Variants in CTNNA3 observed in about 807,000 individuals in gnomAD.
The protein encoded by CTNNA3 is catenin alpha 3.
A neutral mutation model predicts 95.7 loss-of-function variants in CTNNA3; 76 were observed. The ratio of observed to expected loss-of-function variants is 0.79; its 90% CI spans 0.66 to 0.96. The LOEUF is 0.96. CTNNA3 is among the 40% of genes least tolerant of loss of function. CTNNA3 has a pLI of 0.00. For synonymous variants in CTNNA3, 431 were observed against 374.4 expected (o/e 1.15, Z -1.74); for missense variants, 1,191 against 1,089.8 (o/e 1.09, Z -1.31).
chr10:66,088,941 C>T (rs993870705), intron 14 of CTNNA3, among the ~76,000 whole-genome samples: 9 of 151,950 alleles, frequency 5.9e-5, no homozygotes, highest in African/African-American at 2.2e-4. Context: ...GTCATTTCTT[C>T]TTATTAATTT....
chr10:66,140,063 C>T (rs1189873440), intron 13 of CTNNA3, among the ~76,000 whole-genome samples: 1 of 152,150 alleles, frequency 6.6e-6, no homozygotes, highest in African/African-American at 2.4e-5. Context: ...AGCTATAAAA[C>T]TTTCAGATAT....
chr10:67,236,453 T>C (rs917162603), intron 5 of CTNNA3, among the ~76,000 whole-genome samples: 9 of 143,588 alleles, frequency 6.3e-5, no homozygotes, highest in East Asian at 4.2e-4. Context: ...TAGGTGGGAA[T>C]TGAACAATGA....
intron 13 of CTNNA3, among the ~76,000 whole-genome samples, chr10:66,170,959 C>A (rs2085394020): frequency 6.6e-6 from 1 of 151,366 alleles, no homozygotes; most frequent in Non-Finnish European, 1.5e-5. Flanking sequence ...CATGGTGAAA[C>A]CTAGTCTCTA....
rs141390401 is a variant in CTNNA3, at chr10:67,526,743, T to C, written c.460-4782A>G. Among the ~76,000 whole-genome samples the C allele has an allele frequency of 1.7e-3, 254 of 152,348 alleles. 2 individuals carry two copies. The highest frequency in any genetic ancestry group is 5.7e-3 in the African/African-American group (237 of 41,586). On this transcript the variant is annotated intron_variant, in intron 4 of 17. Coordinates refer to ENST00000433211, the MANE Select transcript of CTNNA3 (RefSeq NM_013266.4). ...TAACAGATTTTACAATCTAGCTTTA[T>C]AGGTTACTGCTTTATAAACTTAAAA... is the stretch of plus-strand genomic sequence containing the variant.
At chr10:66,740,801 G>A (rs1240943163) in intron 9 of CTNNA3, among the ~76,000 whole-genome samples, 1 of 152,132 alleles carries the variant, frequency 6.6e-6, no homozygotes, top group Non-Finnish European at 1.5e-5. Flanking sequence ...TTCATTCATA[G>A]AACACTTCCT....
intron 1 of CTNNA3, among the ~76,000 whole-genome samples, chr10:67,709,310 C>T (rs958637263): frequency 5.9e-5 from 9 of 152,218 alleles, no homozygotes; most frequent in African/African-American, 1.4e-4. Flanking sequence ...AAAAATACTA[C>T]GTGTTTATGA....
chr10:67,586,318 G>C (rs565233338), intron 3 of CTNNA3, among the ~76,000 whole-genome samples: 1 of 152,188 alleles, frequency 6.6e-6, no homozygotes, highest in South Asian at 2.1e-4. Context: ...AGAGTGTTCT[G>C]TAAATGTCTG....
intron 5 of CTNNA3, among the ~76,000 whole-genome samples, chr10:67,298,356 G>A (rs1329280376): frequency 6.6e-6 from 1 of 152,134 alleles, no homozygotes. Flanking sequence ...ATGGTGGATG[G>A]GGTTCAAGGT....
intron 13 of CTNNA3, among the ~76,000 whole-genome samples, chr10:66,175,473 A>C (rs2085659339): frequency 6.6e-6 from 1 of 152,210 alleles, no homozygotes; most frequent in Non-Finnish European, 1.5e-5. Flanking sequence ...GGATATCACC[A>C]AACACTGACC....
chr10:66,428,150 C>A (rs989233377), intron 11 of CTNNA3, among the ~76,000 whole-genome samples: 48 of 151,982 alleles, frequency 3.2e-4, no homozygotes, highest in African/African-American at 1.1e-3. Context: ...TCAAAAGAGA[C>A]AAAGAAGGCC....
At chr10:66,678,852 AGTGT>A (rs1483989613) in intron 9 of CTNNA3, among the ~76,000 whole-genome samples, 2 of 151,972 alleles carry the variant, frequency 1.3e-5, no homozygotes, top group East Asian at 3.9e-4. Flanking sequence ...TGTGCACGCA[AGTGT>A]GTCAGTTTTA....
At chr10:67,475,204 C>T (rs1174376465) in intron 5 of CTNNA3, among the ~76,000 whole-genome samples, 1 of 152,094 alleles carries the variant, frequency 6.6e-6, no homozygotes, top group Admixed American at 6.5e-5. Flanking sequence ...ATTTATGTAA[C>T]ATTCTGAAAA....
At chr10:66,777,657 T>C (rs1840357998) in intron 7 of CTNNA3, among the ~76,000 whole-genome samples, 1 of 152,114 alleles carries the variant, frequency 6.6e-6, no homozygotes, top group Non-Finnish European at 1.5e-5. Flanking sequence ...CCAGCCCTTA[T>C]TCTCTAGCTT....
At chr10:67,714,839 G>A (rs184910532) in intron 1 of CTNNA3, among the ~76,000 whole-genome samples, 1 of 152,196 alleles carries the variant, frequency 6.6e-6, no homozygotes, top group African/African-American at 2.4e-5. Context: ...AGTCTCATGA[G>A]ATATGATGGT....
intron 10 of CTNNA3, among the ~76,000 whole-genome samples, chr10:66,549,377 A>G (rs1468760022): frequency 6.6e-6 from 1 of 151,936 alleles, no homozygotes; most frequent in Non-Finnish European, 1.5e-5. Context: ...CCCCTTTTCT[A>G]TTTCTGATAT....
At chr10:66,270,281 T>C (rs2091251563) in intron 13 of CTNNA3, among the ~76,000 whole-genome samples, 1 of 150,960 alleles carries the variant, frequency 6.6e-6, no homozygotes, top group Non-Finnish European at 1.5e-5. Flanking sequence ...TGGCAGAAAC[T>C]GTAGCCTCGA....
chr10:66,024,369 G>C (rs1345957471), intron 15 of CTNNA3, among the ~76,000 whole-genome samples: 1 of 152,130 alleles, frequency 6.6e-6, no homozygotes, highest in Admixed American at 6.5e-5. Context: ...GATTACAGGC[G>C]TGAGCCACCA....
intron 12 of CTNNA3, among the ~76,000 whole-genome samples, chr10:66,330,063 C>T (rs977325370): frequency 7.9e-5 from 12 of 151,968 alleles, no homozygotes; most frequent in African/African-American, 2.6e-4. Flanking sequence ...AAGAAGTAAG[C>T]ACATATTTCT....
chr10:66,720,898 C>A (rs1848607801), intron 9 of CTNNA3, among the ~76,000 whole-genome samples: 1 of 152,192 alleles, frequency 6.6e-6, no homozygotes, highest in African/African-American at 2.4e-5. Flanking sequence ...GAGGCCCCAA[C>A]TTCCCAGAAT....
Sources: gnomAD v4.1 joint callset for allele counts (sites outside exome capture counted in the v4.1 genomes callset) on GRCh38, gnomAD v4.1.1 for gene constraint, MANE v1.5 for transcripts, NCBI Gene and HGNC (gene_info 2026-07-23, HGNC 2026-07-21) for gene names.